Variants in KCNC2 observed in about 807,000 individuals in gnomAD.
KCNC2 encodes the protein voltage-gated potassium channel KCNC2.
A neutral mutation model predicts 44.5 loss-of-function variants in KCNC2; 21 were observed. The observed-to-expected ratio is 0.47, with a 90% confidence interval of 0.33 to 0.68. The LOEUF (loss-of-function observed/expected upper bound fraction) is 0.68. Among genes scored for constraint, KCNC2 ranks in the 30% least tolerant of loss-of-function variants. The pLI is 0.01. For missense variants in KCNC2, 589 were observed against 826.2 expected, an observed-to-expected ratio of 0.71 and a Z score of 3.52; for synonymous variants, 391 against 339.1, an observed-to-expected ratio of 1.15 and a Z score of -1.68.
chr12:75,086,681 A>AATATATATATAT lies in KCNC2; in HGVS notation c.688-35376_688-35365dup, dbSNP rs398044519. Among the ~76,000 whole-genome samples the AATATATATATAT allele has an allele frequency of 3.1e-3, 167 of 54,048 alleles. 1 individual carries two copies. Among genetic ancestry groups the AATATATATATAT allele is most frequent in the Non-Finnish European group, 4.0e-3 (115 of 28,468 alleles). 35.5% of individuals were successfully genotyped at this position (54,048 alleles called of 152,430 possible). A position where few individuals can be genotyped will look rare whatever the true frequency, so the allele number is the denominator to read the frequency against. On this transcript the variant is annotated intron_variant, in intron 2 of 4. Transcript: ENST00000549446. ...TTGGCAAAAAAAAAAAAAAAAAAAA[A>AATATATATATAT]ATATATATATATATATATACACACA... is the stretch of plus-strand genomic sequence containing the variant.
At chr12:75,186,096 A>C (rs1016671362) in intron 2 of KCNC2, among the ~76,000 whole-genome samples, 1 of 141,248 alleles carries the variant, frequency 7.1e-6, no homozygotes, top group Non-Finnish European at 1.6e-5. Context: ...AATAAATAAA[A>C]ATTTTATTGT....
At chr12:75,113,981 C>T (rs1244508569) in intron 2 of KCNC2, among the ~76,000 whole-genome samples, 1 of 152,150 alleles carries the variant, frequency 6.6e-6, no homozygotes, top group South Asian at 2.1e-4. Context: ...CCCAAAGAAA[C>T]ACACATACAC....
chr12:75,175,730 A>G (rs942762043), intron 2 of KCNC2, among the ~76,000 whole-genome samples: 1 of 152,062 alleles, frequency 6.6e-6, no homozygotes. Context: ...AAAGCAGGAA[A>G]TAAAACTTTC....
At chr12:75,203,451 C>T (rs2031456467) in intron 2 of KCNC2, among the ~76,000 whole-genome samples, 1 of 151,682 alleles carries the variant, frequency 6.6e-6, no homozygotes, top group South Asian at 2.1e-4. Flanking sequence ...CTATCACAAT[C>T]CCTGTATGAT....
chr12:75,063,258 T>C (rs987605505), intron 2 of KCNC2, among the ~76,000 whole-genome samples: 2 of 152,106 alleles, frequency 1.3e-5, no homozygotes, highest in African/African-American at 4.8e-5. Context: ...TCATTTTACA[T>C]ATGTAAAAAT....
intron 2 of KCNC2, among the ~76,000 whole-genome samples, chr12:75,170,863 G>GT (rs1464476241): frequency 3.3e-5 from 5 of 151,790 alleles, no homozygotes; most frequent in African/African-American, 1.2e-4. Context: ...TCACAAGGCT[G>GT]TATCAAGAGG....
chr12:75,137,673 G>A (rs191804707), intron 2 of KCNC2, among the ~76,000 whole-genome samples: 40 of 152,024 alleles, frequency 2.6e-4, no homozygotes, highest in African/African-American at 9.2e-4. Flanking sequence ...CCATATTTCC[G>A]CATGAGAAAA....
At chr12:75,102,892 T>C (rs1469269035) in intron 2 of KCNC2, among the ~76,000 whole-genome samples, 3 of 152,244 alleles carry the variant, frequency 2.0e-5, no homozygotes, top group African/African-American at 4.8e-5. Flanking sequence ...TAATTTGTTT[T>C]ATATAGCATT....
intron 2 of KCNC2, among the ~76,000 whole-genome samples, chr12:75,166,778 A>T (rs921594421): frequency 6.6e-6 from 1 of 151,234 alleles, no homozygotes; most frequent in Non-Finnish European, 1.5e-5. Context: ...AACAAAAAAA[A>T]CACTAAAACT....
At chr12:75,182,145 C>T (rs1892627135) in intron 2 of KCNC2, among the ~76,000 whole-genome samples, 1 of 151,498 alleles carries the variant, frequency 6.6e-6, no homozygotes, top group Admixed American at 6.6e-5. Flanking sequence ...CAAAGCCCTG[C>T]CCTGTCCACT....
intron 2 of KCNC2, among the ~76,000 whole-genome samples, chr12:75,135,110 GC>G (rs1889133367): frequency 6.6e-6 from 1 of 151,740 alleles, no homozygotes; most frequent in Non-Finnish European, 1.5e-5. Context: ...GATTCTTATG[GC>G]CCAGGGTTAC....
chr12:75,169,031 G>A (rs1891640752), intron 2 of KCNC2, among the ~76,000 whole-genome samples: 1 of 151,440 alleles, frequency 6.6e-6, no homozygotes, highest in African/African-American at 2.4e-5. Flanking sequence ...GTTTAGACAG[G>A]TGCCAAAAGG....
chr12:75,155,929 A>C (rs1431425598), intron 2 of KCNC2, among the ~76,000 whole-genome samples: 1 of 151,920 alleles, frequency 6.6e-6, no homozygotes, highest in Admixed American at 6.6e-5. Flanking sequence ...ATAGAGAGAA[A>C]ACATTGTCAT....
chr12:75,108,514 G>T (rs1161323970), intron 2 of KCNC2, among the ~76,000 whole-genome samples: 4 of 152,098 alleles, frequency 2.6e-5, no homozygotes, highest in African/African-American at 9.7e-5. Context: ...TAATACTGTT[G>T]CTTAACCATT....
intron 2 of KCNC2, among the ~76,000 whole-genome samples, chr12:75,060,449 G>A (rs1007664530): frequency 5.3e-5 from 8 of 151,762 alleles, no homozygotes; most frequent in Non-Finnish European, 1.0e-4. Context: ...TAGATAATAT[G>A]GAATGTTCTT....
At chr12:75,177,064 A>G (rs1892240969) in intron 2 of KCNC2, among the ~76,000 whole-genome samples, 1 of 150,210 alleles carries the variant, frequency 6.7e-6, no homozygotes, top group Admixed American at 6.7e-5. Context: ...ATATACACAC[A>G]CACACTGTAC....
intron 2 of KCNC2, among the ~76,000 whole-genome samples, chr12:75,129,849 T>C (rs569516030): frequency 4.6e-5 from 7 of 152,310 alleles, no homozygotes; most frequent in African/African-American, 1.7e-4. Context: ...CTGAGAAATT[T>C]ATGGCAGCAT....
chr12:75,105,057 CA>C (rs1339446598), intron 2 of KCNC2, among the ~76,000 whole-genome samples: 1 of 151,744 alleles, frequency 6.6e-6, no homozygotes, highest in Non-Finnish European at 1.5e-5. Flanking sequence ...AGAAGTCAGA[CA>C]AAGACATATC....
intron 2 of KCNC2, among the ~76,000 whole-genome samples, chr12:75,116,645 A>T (rs1887679517): frequency 6.6e-6 from 1 of 152,214 alleles, no homozygotes; most frequent in African/African-American, 2.4e-5. Flanking sequence ...TGAAATTCAG[A>T]TCACTAAATA....
Sources: allele counts gnomAD v4.1 joint callset (sites outside exome capture counted in the v4.1 genomes callset), GRCh38; gene constraint gnomAD v4.1.1; transcripts MANE v1.5; gene names NCBI Gene and HGNC (gene_info 2026-07-23, HGNC 2026-07-21).